The following AGBL4 variants were observed in gnomAD, a reference collection of about 807,000 sequenced individuals.
AGBL4 encodes the protein cytosolic carboxypeptidase 6.
In AGBL4, 58 loss-of-function variants were observed where a neutral mutation model predicts 66.4. That is an observed-to-expected ratio of 0.87 (90% CI 0.71 to 1.09). The LOEUF (loss-of-function observed/expected upper bound fraction) is 1.09. Ranked by LOEUF, AGBL4 falls within the 50% of genes least tolerant of loss-of-function variation. The pLI, the probability that AGBL4 is intolerant of heterozygous loss-of-function variation, is 0.00. For missense variants in AGBL4, 579 were observed against 631.0 expected (o/e 0.92, Z 0.88); for synonymous variants, 234 against 222.9 (o/e 1.05, Z -0.44).
At chr1:49,930,102 AATT>A (rs1439952999) in intron 1 of AGBL4, among the ~76,000 whole-genome samples, 1 of 152,066 alleles carries the variant, frequency 6.6e-6, no homozygotes, top group Non-Finnish European at 1.5e-5. Context: ...AAAAAACAGA[AATT>A]ATCCATTTTT....
chr1:48,758,451 C>G (rs1248828802), intron 6 of AGBL4, among the ~76,000 whole-genome samples: 4 of 152,218 alleles, frequency 2.6e-5, no homozygotes, highest in African/African-American at 7.2e-5. Flanking sequence ...AATAACCTCT[C>G]CAACCCCTGA....
intron 5 of AGBL4, among the ~76,000 whole-genome samples, chr1:49,024,721 G>C (rs72895656): frequency 2.0e-5 from 3 of 152,116 alleles, no homozygotes; most frequent in Admixed American, 1.3e-4. Context: ...CCTTCGGGGA[G>C]CTTGGAGTCT....
intron 5 of AGBL4, among the ~76,000 whole-genome samples, chr1:48,942,312 G>T (rs926342590): frequency 1.4e-3 from 30 of 21,484 alleles, no homozygotes; most frequent in Admixed American, 5.2e-3. Context: ...TATTGTGGTG[G>T]GGGGGGGGGG....
intron 3 of AGBL4, among the ~76,000 whole-genome samples, chr1:49,540,882 A>T (rs116336530): frequency 3.2e-4 from 48 of 152,254 alleles, no homozygotes; most frequent in African/African-American, 1.1e-3. Flanking sequence ...AGTTATCTTC[A>T]TTTTTCTTAT....
At chr1:48,963,260 A>T (rs2148943077) in intron 5 of AGBL4, among the ~76,000 whole-genome samples, 1 of 152,120 alleles carries the variant, frequency 6.6e-6, no homozygotes, top group African/African-American at 2.4e-5. Context: ...TCATGAGGGC[A>T]GCCTTAATCT....
intron 4 of AGBL4, among the ~76,000 whole-genome samples, chr1:49,117,445 C>T (rs1287303428): frequency 3.3e-5 from 5 of 152,154 alleles, no homozygotes; most frequent in South Asian, 2.1e-4. Flanking sequence ...TATGGCTAGC[C>T]AGTTTTCCCA....
chr1:50,002,409 G>A (rs1253458772), intron 1 of AGBL4, among the ~76,000 whole-genome samples: 2 of 124,806 alleles, frequency 1.6e-5, no homozygotes, highest in Non-Finnish European at 3.1e-5. Context: ...TCGCTCTGTC[G>A]CCCAGGCTGG....
In AGBL4 at chr1:49,520,123, T is replaced by A. The variant is rs1650139175; in HGVS notation, c.282+177190A>T. On this transcript the variant is annotated intron_variant, in intron 3 of 13. Coordinates refer to ENST00000371839, the MANE Select transcript of AGBL4 (RefSeq NM_032785.4). ...GACAAGTGACCTGATAATCTACTAG[T>A]GTCTCACTCTTTATTCTAATGATCT... Among the ~76,000 whole-genome samples, 2 of 152,048 alleles carry A rather than the reference T, an allele frequency of 1.3e-5. 1 individual carries two copies. Among genetic ancestry groups the A allele is most frequent in the South Asian group, 4.2e-4 (2 of 4,814 alleles).
intron 2 of AGBL4, among the ~76,000 whole-genome samples, chr1:49,830,340 T>C (rs764854472): frequency 4.6e-5 from 7 of 152,320 alleles, no homozygotes; most frequent in Non-Finnish European, 4.4e-5. Flanking sequence ...CATTATGGTT[T>C]TGATTTGCAT....
chr1:48,619,443 T>C (rs192692010), intron 9 of AGBL4, among the ~76,000 whole-genome samples: 25 of 152,308 alleles, frequency 1.6e-4, no homozygotes, highest in Admixed American at 1.3e-3. Flanking sequence ...TGCTCATTTC[T>C]AGAGGTTGTT....
At chr1:48,713,859 T>TG (rs777363153) in intron 6 of AGBL4, among the ~76,000 whole-genome samples, 2 of 152,180 alleles carry the variant, frequency 1.3e-5, no homozygotes, top group Non-Finnish European at 2.9e-5. Flanking sequence ...CTGAGTTTAC[T>TG]TACATCCCTT....
intron 4 of AGBL4, among the ~76,000 whole-genome samples, chr1:49,121,994 G>A (rs966294431): frequency 5.9e-5 from 9 of 152,242 alleles, no homozygotes; most frequent in East Asian, 1.9e-4. Context: ...GCAAGGCTCC[G>A]TAGGCATGGT....
chr1:49,522,250 C>T (rs182912249), intron 3 of AGBL4, among the ~76,000 whole-genome samples: 100 of 152,036 alleles, frequency 6.6e-4, no homozygotes, highest in Non-Finnish European at 1.0e-3. Flanking sequence ...AGGTAAGTTT[C>T]GTAAGCTCTC....
chr1:49,934,400 A>C (rs1410479027), intron 1 of AGBL4, among the ~76,000 whole-genome samples: 1 of 152,198 alleles, frequency 6.6e-6, no homozygotes, highest in Non-Finnish European at 1.5e-5. Flanking sequence ...AGGTCACAAA[A>C]AGAGTCTTGA....
intron 2 of AGBL4, among the ~76,000 whole-genome samples, chr1:49,772,794 C>T (rs1375756223): frequency 2.0e-5 from 3 of 152,172 alleles, no homozygotes; most frequent in Non-Finnish European, 4.4e-5. Flanking sequence ...TTGACTTAGA[C>T]ATTATGATTA....
At position 49,737,961 on chromosome 1, in the gene AGBL4, G is replaced by A. The variant is rs546768710; in HGVS notation, c.158-40524C>T. On this transcript the variant is annotated intron_variant, in intron 2 of 13. Transcript: ENST00000371839. ...CGGGTTCATCTCACTAGGGACTGTT[G>A]GTCAGTGGGTGCAGGACAGTGGGTG... is the stretch of plus-strand genomic sequence containing the variant. Among the ~76,000 whole-genome samples, 11 of 152,316 alleles carry A rather than the reference G, an allele frequency of 7.2e-5. No individual in the cohort carries two copies. The East Asian group carries it at 1.9e-3, about 27-fold the overall frequency.
chr1:49,899,450 A>G (rs1179276452), intron 1 of AGBL4, among the ~76,000 whole-genome samples: 1 of 151,898 alleles, frequency 6.6e-6, no homozygotes, highest in African/African-American at 2.4e-5. Flanking sequence ...CACTTTTGTG[A>G]TTATTACACT....
chr1:49,620,255 G>T lies in AGBL4; in HGVS notation c.282+77058C>A, dbSNP rs139563683. 7.2e-4 allele frequency among the ~76,000 whole-genome samples: 110 copies of T among 151,812 alleles called. 1 individual carries two copies. In the Middle Eastern group the frequency reaches 0.014, roughly 19 times the overall value. ...AGGGCTAATATCCAGAATCTACAAA[G>T]AACTTAAATTTACAAGAAAAAAACA... On this transcript the variant is annotated intron_variant, in intron 3 of 13. Transcript: ENST00000371839.
At chr1:49,772,363 C>T (rs1553120586) in intron 2 of AGBL4, among the ~76,000 whole-genome samples, 2 of 151,930 alleles carry the variant, frequency 1.3e-5, no homozygotes. Context: ...TGTTTTTGAC[C>T]TTTGTAGCTT....
Sources: allele counts gnomAD v4.1 joint callset (sites outside exome capture counted in the v4.1 genomes callset), GRCh38; gene constraint gnomAD v4.1.1; transcripts MANE v1.5; gene names NCBI Gene and HGNC (gene_info 2026-07-23, HGNC 2026-07-21).